Variants in ACOT1 observed in about 807,000 individuals in gnomAD.
The protein encoded by ACOT1 is acyl-coenzyme A thioesterase 1.
Under a neutral mutation model 15.7 loss-of-function variants are expected in ACOT1, and 8 were observed. The ratio of observed to expected loss-of-function variants is 0.51; its 90% CI spans 0.30 to 0.92. The LOEUF is 0.92. ACOT1 is among the 40% of genes least tolerant of loss of function. The pLI, the probability that ACOT1 is intolerant of heterozygous loss-of-function variation, is 0.06. For missense variants in ACOT1, 151 were observed against 539.4 expected (o/e 0.28, Z 7.13); for synonymous variants, 67 against 241.2 (o/e 0.28, Z 6.69).
chr14:73,502,798 C>T, the ACOT1 span: 9 of 840,028 alleles, frequency 1.1e-5, no homozygotes, highest in East Asian at 7.3e-5. Context: ...CCGCCCACCC[C>T]GTCTTCCCAA....
chr14:73,491,962 T>C, the ACOT1 span: 2 of 1,613,926 alleles, frequency 1.2e-6, no homozygotes, highest in East Asian at 2.2e-5. Context: ...TGGCTGTGCT[T>C]CAAGAGCAGT....
the ACOT1 span, among the ~76,000 whole-genome samples, chr14:73,507,442 T>C: frequency 6.6e-6 from 1 of 152,170 alleles, no homozygotes; most frequent in Non-Finnish European, 1.5e-5. Flanking sequence ...AATTGTGTAA[T>C]TAATTTTTTG....
chr14:73,541,028 C>G (rs1164084865), intron 1 of ACOT1, among the ~76,000 whole-genome samples: 1 of 114,864 alleles, frequency 8.7e-6, no homozygotes, highest in Non-Finnish European at 1.9e-5. Context: ...AGGCGTGAGC[C>G]ACCAGACCCA....
chr14:73,498,379 C>A, the ACOT1 span: 1 of 1,526,934 alleles, frequency 6.5e-7, no homozygotes, highest in Non-Finnish European at 8.9e-7. Flanking sequence ...TCACTGAAGA[C>A]TGAGCTTACT....
the ACOT1 span, among the ~76,000 whole-genome samples, chr14:73,497,931 C>T: frequency 2.6e-5 from 4 of 152,070 alleles, no homozygotes; most frequent in South Asian, 8.3e-4. Flanking sequence ...CGGCCAAAAC[C>T]CATCCTGGTG....
At chr14:73,522,330 C>T in the ACOT1 span, 1 of 1,614,198 alleles carries the variant, frequency 6.2e-7, no homozygotes, top group South Asian at 1.1e-5. Context: ...GGCAGGATGA[C>T]ACTTTGATCC....
At chr14:73,495,108 G>C in the ACOT1 span, 4 of 763,546 alleles carry the variant, frequency 5.2e-6, no homozygotes, top group East Asian at 7.8e-5. Flanking sequence ...AGAGGGAAGA[G>C]AGTACCCTTT....
At chr14:73,519,011 CT>C in the ACOT1 span, 4 of 1,607,754 alleles carry the variant, frequency 2.5e-6, no homozygotes, top group Admixed American at 5.1e-5. Flanking sequence ...TCCCTGTTAG[CT>C]TCCTGCTTAC....
At chr14:73,509,536 C>T in the ACOT1 span, 5 of 1,569,068 alleles carry the variant, frequency 3.2e-6, no homozygotes, top group South Asian at 5.6e-5. Flanking sequence ...ACACAGCTTC[C>T]TTCCTACAGC....
chr14:73,509,935 G>T, the ACOT1 span, among the ~76,000 whole-genome samples: 33 of 147,174 alleles, frequency 2.2e-4, no homozygotes, highest in Non-Finnish European at 3.3e-4. Context: ...GTGCAGTGGT[G>T]TGATCTCAGC....
the ACOT1 span, among the ~76,000 whole-genome samples, chr14:73,515,543 G>C: frequency 6.6e-6 from 1 of 151,792 alleles, no homozygotes; most frequent in Non-Finnish European, 1.5e-5. Context: ...TGCTAGGCGT[G>C]GTGGTGGGCG....
the ACOT1 span, chr14:73,514,138 T>C: frequency 2.5e-6 from 4 of 1,614,180 alleles, no homozygotes; most frequent in South Asian, 4.4e-5. Context: ...TCTCCTGGTC[T>C]TAATAGGCAC....
chr14:73,522,802 A>C, the ACOT1 span: 1 of 1,614,166 alleles, frequency 6.2e-7, no homozygotes, highest in Admixed American at 1.7e-5. Flanking sequence ...ACTTGAAGCT[A>C]ACAGGTTTCT....
the ACOT1 span, among the ~76,000 whole-genome samples, chr14:73,505,453 G>A: frequency 6.6e-6 from 1 of 152,026 alleles, no homozygotes; most frequent in Non-Finnish European, 1.5e-5. Flanking sequence ...CTGGAGTGCA[G>A]TGGTGCGATC....
the ACOT1 span, chr14:73,506,438 C>CT: frequency 1.3e-6 from 2 of 1,553,074 alleles, no homozygotes; most frequent in Admixed American, 3.3e-5. Context: ...CTTAGGCTTT[C>CT]TGTCCTGGAG....
At chr14:73,521,286 C>A in the ACOT1 span, among the ~76,000 whole-genome samples, 1 of 152,134 alleles carries the variant, frequency 6.6e-6, no homozygotes, top group Admixed American at 6.5e-5. Flanking sequence ...CTGCAGCCAC[C>A]AAGCAGCAGG....
the ACOT1 span, among the ~76,000 whole-genome samples, chr14:73,518,404 C>CA: frequency 1.4e-4 from 19 of 132,584 alleles, no homozygotes; most frequent in Middle Eastern, 3.9e-3. Context: ...ACTCTGTCTC[C>CA]AAAAAAAGAA....
At chr14:73,495,439 G>A in the ACOT1 span, 1 of 1,448,454 alleles carries the variant, frequency 6.9e-7, no homozygotes, top group Non-Finnish European at 9.5e-7. Flanking sequence ...CCTGTACTAG[G>A]CAGCAAATTA....
At chr14:73,512,109 C>G in the ACOT1 span, 2 of 1,614,156 alleles carry the variant, frequency 1.2e-6, no homozygotes, top group South Asian at 1.1e-5. Context: ...CTCCCAAGCT[C>G]TGAAGCAGGT....
Sources: allele counts gnomAD v4.1 joint callset (sites outside exome capture counted in the v4.1 genomes callset), GRCh38; gene constraint gnomAD v4.1.1; transcripts MANE v1.5; gene names NCBI Gene and HGNC (gene_info 2026-07-23, HGNC 2026-07-21).